MINDY2: variants seen among roughly 807,000 people sequenced by gnomAD.
MINDY2 encodes the protein ubiquitin carboxyl-terminal hydrolase MINDY-2.
In MINDY2, 52 loss-of-function variants were observed where a neutral mutation model predicts 68.2. The observed-to-expected ratio is 0.76, with a 90% confidence interval of 0.61 to 0.96. The LOEUF (loss-of-function observed/expected upper bound fraction) is 0.96. Among genes scored for constraint, MINDY2 ranks in the 40% least tolerant of loss-of-function variants. MINDY2 has a pLI of 0.00. For synonymous variants in MINDY2, 372 were observed against 303.0 expected (o/e 1.23, Z -2.36); for missense variants, 881 against 773.4 (o/e 1.14, Z -1.65).
Position 58,856,280 on chromosome 15 carries a change from C to G in MINDY2, c.*1670C>G, listed in dbSNP as rs149824002. 3 of 152,434 alleles carry G rather than the reference C, an allele frequency of 2.0e-5. No homozygotes were observed. Among genetic ancestry groups the G allele is most frequent in the African/African-American group, 7.2e-5 (3 of 41,448 alleles). The allele number at this position is 152,434 out of a possible 1,614,324, so 9.4% of individuals were successfully genotyped here. On this transcript the variant is annotated 3_prime_UTR_variant, in exon 9 of 9. Transcript: ENST00000559228. ...GGAGAGTGTTTTTTTTGTGTGTGGT[C>G]TGGGGTGACAAAAGACCACAAAAAT...
At chr15:58,845,151 A>G (rs920421582) in intron 6 of MINDY2, among the ~76,000 whole-genome samples, 16 of 152,214 alleles carry the variant, frequency 1.1e-4, no homozygotes, top group African/African-American at 3.9e-4. Context: ...CACACCTGTA[A>G]TCCCAGCACT....
Position 58,798,223 on chromosome 15 carries a change from TCTC to T in MINDY2, c.899-4087_899-4085del, listed in dbSNP as rs547294043. On this transcript the variant is annotated intron_variant, in intron 2 of 8. Coordinates refer to ENST00000559228, the MANE Select transcript of MINDY2 (RefSeq NM_001040450.3). ...CCTCCGCTTCCAAAGCTCAAGCAAT[TCTC>T]CTGCCTCAGCTACCCGAGCAGCTGG... Among the ~76,000 whole-genome samples the T allele has an allele frequency of 5.3e-5, 8 of 152,096 alleles. No individual in the cohort carries two copies. In the East Asian group the frequency reaches 1.5e-3, roughly 29 times the overall value.
At chr15:58,818,457 T>G (rs1013906420) in intron 4 of MINDY2, among the ~76,000 whole-genome samples, 1 of 152,006 alleles carries the variant, frequency 6.6e-6, no homozygotes, top group South Asian at 2.1e-4. Flanking sequence ...GGCCTTGTTA[T>G]GTTGCCTAGG....
At chr15:58,799,657 G>A (rs1902512262) in intron 2 of MINDY2, among the ~76,000 whole-genome samples, 1 of 151,880 alleles carries the variant, frequency 6.6e-6, no homozygotes, top group Non-Finnish European at 1.5e-5. Flanking sequence ...CCTAGCTGAA[G>A]TACCCCAAGG....
At chr15:58,801,047 C>T (rs1242131209) in intron 2 of MINDY2, among the ~76,000 whole-genome samples, 2 of 152,004 alleles carry the variant, frequency 1.3e-5, no homozygotes, top group African/African-American at 4.8e-5. Flanking sequence ...GATCTTGGCT[C>T]ACTGCAACCT....
At chr15:58,779,062 A>AT (rs10718322) in intron 1 of MINDY2, among the ~76,000 whole-genome samples, 115 of 141,968 alleles carry the variant, frequency 8.1e-4, no homozygotes, top group East Asian at 1.0e-3. Flanking sequence ...GTGCCCAACC[A>AT]TTTTTTTTTT....
intron 4 of MINDY2, 61 bp downstream of exon 4, chr15:58,810,449 A>C: frequency 7.3e-7 from 1 of 1,371,330 alleles, no homozygotes; most frequent in Non-Finnish European, 9.7e-7. Flanking sequence ...TAATTTGGCA[A>C]ATTAATCTCA....
chr15:58,780,061 C>CA (rs1228926584), intron 1 of MINDY2, among the ~76,000 whole-genome samples: 1 of 152,112 alleles, frequency 6.6e-6, no homozygotes, highest in African/African-American at 2.4e-5. Context: ...TTAAGTTTCT[C>CA]AACCACATCA....
intron 7 of MINDY2, among the ~76,000 whole-genome samples, chr15:58,849,483 C>T (rs1333192003): frequency 5.3e-5 from 8 of 151,658 alleles, no homozygotes; most frequent in South Asian, 2.1e-4. Context: ...CCAGCCTGGA[C>T]GACAGAGCAA....
chr15:58,804,339 T>C (rs1567051908), intron 3 of MINDY2, among the ~76,000 whole-genome samples: 1 of 152,238 alleles, frequency 6.6e-6, no homozygotes, highest in Non-Finnish European at 1.5e-5. Context: ...ATTTATATCA[T>C]GTATTTATGA....
rs2033046811 is a variant in MINDY2, at chr15:58,855,933, T to G, written c.*1323T>G. ...AGACTCCGTCTCAAAAAAAAAAAAG[T>G]CTGAGAGTAGCTAAGAATTTATGTA... On this transcript the variant is annotated 3_prime_UTR_variant, in exon 9 of 9. Coordinates refer to ENST00000559228, the MANE Select transcript of MINDY2 (RefSeq NM_001040450.3). The G allele has an allele frequency of 6.6e-6, 1 of 152,036 alleles. No individual in the cohort carries two copies. Among genetic ancestry groups the G allele is most frequent in the African/African-American group, 2.4e-5 (1 of 41,286 alleles). 9.4% of individuals were successfully genotyped at this position (152,036 alleles called of 1,614,324 possible).
chr15:58,778,470 CTG>C (rs879532303), intron 1 of MINDY2, among the ~76,000 whole-genome samples: 1 of 149,916 alleles, frequency 6.7e-6, no homozygotes, highest in Non-Finnish European at 1.5e-5. Context: ...AACCTAGAAA[CTG>C]TAAAATAAGG....
At chr15:58,820,645 G>A (rs1365306825) in intron 4 of MINDY2, among the ~76,000 whole-genome samples, 4 of 152,012 alleles carry the variant, frequency 2.6e-5, no homozygotes, top group African/African-American at 7.2e-5. Flanking sequence ...CTCAAACTTC[G>A]CTATGCATCG....
intron 7 of MINDY2, among the ~76,000 whole-genome samples, chr15:58,848,545 C>T (rs1173831833): frequency 5.9e-5 from 9 of 151,876 alleles, no homozygotes; most frequent in Admixed American, 5.9e-4. Flanking sequence ...AGATCGAGAC[C>T]ATCCTGGCTA....
At chr15:58,834,876 C>T (rs1206202289) in intron 6 of MINDY2, among the ~76,000 whole-genome samples, 1 of 152,136 alleles carries the variant, frequency 6.6e-6, no homozygotes, top group Admixed American at 6.6e-5. Context: ...ATAGCAACAG[C>T]TCATTTGTAT....
At chr15:58,808,031 T>C (rs2029934132) in intron 3 of MINDY2, among the ~76,000 whole-genome samples, 1 of 149,606 alleles carries the variant, frequency 6.7e-6, no homozygotes, top group Non-Finnish European at 1.5e-5. Flanking sequence ...CCTCCCTCCC[T>C]CTCTCCCTCA....
intron 2 of MINDY2, among the ~76,000 whole-genome samples, chr15:58,789,169 C>T (rs1028308503): frequency 1.3e-5 from 2 of 152,080 alleles, no homozygotes; most frequent in Non-Finnish European, 2.9e-5. Flanking sequence ...AACTCCGTCT[C>T]GACTAAAAAA....
intron 2 of MINDY2, among the ~76,000 whole-genome samples, chr15:58,801,888 G>A (rs2140953574): frequency 6.6e-6 from 1 of 152,322 alleles, no homozygotes; most frequent in East Asian, 1.9e-4. Flanking sequence ...AAAGTGCTGG[G>A]ATCACAGGCG....
rs555220263 is a variant in MINDY2, at chr15:58,860,110, A to C, written c.*5500A>C. The stretch of plus-strand genomic sequence containing the variant: ...TTCTAAGGATTTCTTCAAACTACTT[A>C]ATAATTTGTCACCATTAACTTTAAT... On this transcript the variant is annotated 3_prime_UTR_variant, in exon 9 of 9. Transcript: ENST00000559228. 4.6e-5 allele frequency: 7 copies of C among 152,356 alleles called. No individual in the cohort carries two copies. The South Asian group carries it at 1.4e-3, about 32-fold the overall frequency. 9.4% of individuals were successfully genotyped at this position (152,356 alleles called of 1,614,324 possible). A position where few individuals can be genotyped will look rare whatever the true frequency, so the allele number is the denominator to read the frequency against.
Sources: gnomAD v4.1 joint callset for allele counts (sites outside exome capture counted in the v4.1 genomes callset) on GRCh38, gnomAD v4.1.1 for gene constraint, MANE v1.5 for transcripts, NCBI Gene and HGNC (gene_info 2026-07-23, HGNC 2026-07-21) for gene names.